GATAD2A: variants seen among roughly 807,000 people sequenced by gnomAD.
GATAD2A encodes GATA zinc finger domain containing 2A, also known as transcriptional repressor p66-alpha.
In GATAD2A, 12 loss-of-function variants were observed where a neutral mutation model predicts 68.5. The observed-to-expected ratio is 0.18, with a 90% CI of 0.11 to 0.28. The LOEUF is 0.28. Among genes scored for constraint, GATAD2A ranks in the 10% least tolerant of loss-of-function variants. The probability of loss-of-function intolerance (pLI) is 1.00; values close to 1 mark genes in which losing one functional copy is unlikely to be tolerated. For missense variants in GATAD2A, 755 were observed against 868.5 expected, an observed-to-expected ratio of 0.87 and a Z score of 1.64; for synonymous variants, 410 against 375.3, an observed-to-expected ratio of 1.09 and a Z score of -1.07.
At chr19:19,423,264 C>T (rs949446036) in intron 1 of GATAD2A, among the ~76,000 whole-genome samples, 1 of 152,198 alleles carries the variant, frequency 6.6e-6, no homozygotes, top group Non-Finnish European at 1.5e-5. Context: ...TGTCTGTCTC[C>T]CAAAGTGCTG....
chr19:19,459,697 C>T (rs2057254522), intron 1 of GATAD2A, among the ~76,000 whole-genome samples: 1 of 152,168 alleles, frequency 6.6e-6, no homozygotes, highest in Non-Finnish European at 1.5e-5. Flanking sequence ...CTCTCTTGGC[C>T]CACTGAAGCT....
At chr19:19,496,429 T>A (rs1232173074) in intron 7 of GATAD2A, among the ~76,000 whole-genome samples, 1 of 152,156 alleles carries the variant, frequency 6.6e-6, no homozygotes, top group Non-Finnish European at 1.5e-5. Flanking sequence ...TGGGCAGACT[T>A]GCTATCCAGC....
intron 1 of GATAD2A, among the ~76,000 whole-genome samples, chr19:19,390,791 TG>T: frequency 6.6e-6 from 1 of 152,140 alleles, no homozygotes; most frequent in African/African-American, 2.4e-5. Flanking sequence ...ACCTGGTGAG[TG>T]ATCTGTTCTT....
chr19:19,435,949 A>G (rs906639423), intron 1 of GATAD2A, among the ~76,000 whole-genome samples: 4 of 152,242 alleles, frequency 2.6e-5, no homozygotes, highest in African/African-American at 9.6e-5. Flanking sequence ...TTCATACCTC[A>G]GAGATCAGTA....
intron 2 of GATAD2A, among the ~76,000 whole-genome samples, chr19:19,475,272 C>G (rs533094561): frequency 2.0e-5 from 3 of 152,206 alleles, no homozygotes; most frequent in Non-Finnish European, 4.4e-5. Flanking sequence ...TTCTCATAGC[C>G]CAGGGACATG....
chr19:19,429,184 G>A (rs2053446211), intron 1 of GATAD2A: 1 of 985,324 alleles, frequency 1.0e-6, no homozygotes. Flanking sequence ...CCTTTGGGAA[G>A]TGGGATGCTC....
chr19:19,394,337 C>T (rs1383433422), intron 1 of GATAD2A, among the ~76,000 whole-genome samples: 1 of 152,106 alleles, frequency 6.6e-6, no homozygotes, highest in Admixed American at 6.6e-5. Context: ...CTGGGGCTGC[C>T]TGGGTGTTGG....
chr19:19,497,245 G>A (rs1372043562), intron 7 of GATAD2A, among the ~76,000 whole-genome samples: 4 of 152,202 alleles, frequency 2.6e-5, no homozygotes, highest in East Asian at 1.9e-4. Flanking sequence ...ACAGGCGCCT[G>A]CCACCATGCC....
rs543905859 is a variant in GATAD2A at position 19,389,908 on chromosome 19, G to A, written c.-7+3770G>A. Among the ~76,000 whole-genome samples the A allele has an allele frequency of 1.1e-4, 16 of 152,172 alleles. No individual in the cohort carries two copies. The East Asian group carries it at 1.7e-3, about 17-fold the overall frequency. ...CTCTGAAGTAGCTGGGACCACAGGC[G>A]CATGCCACCACGCCCGGCTATATTT... is the stretch of plus-strand genomic sequence containing the variant. On this transcript the variant is annotated intron_variant, in intron 1 of 11. Coordinates refer to the GATAD2A transcript ENST00000360315.
rs2060506133 is a variant in GATAD2A, at chr19:19,501,316, A to T, written c.1403A>T (p.Gln468Leu). The change falls in exon 9 of 12, where the codon CAG becomes CTG. Residue 468 changes from glutamine (Q) to leucine (L), a missense_variant. Gln to Leu is a moderately radical substitution (Grantham distance 113). Coordinates refer to ENST00000683918, the MANE Select transcript of GATAD2A (RefSeq NM_001384528.1). ...AAGGCCGCCTTTGTGAAGGCGCTGCAGCAGGAACAGGAGATTGAGCAGCGG... is the reference window on the plus strand; with the variant it reads ...AAGGCCGCCTTTGTGAAGGCGCTGCTGCAGGAACAGGAGATTGAGCAGCGG... ...RLKAAFVKAL[Q>L]QEQEIEQRLL... The T allele has an allele frequency of 6.2e-7, 1 of 1,612,978 alleles. No individual in the cohort carries two copies. The highest frequency in any genetic ancestry group is 8.5e-7 in the Non-Finnish European group (1 of 1,179,954).
At chr19:19,428,688 C>T (rs2053369932) in intron 1 of GATAD2A, among the ~76,000 whole-genome samples, 1 of 152,106 alleles carries the variant, frequency 6.6e-6, no homozygotes, top group African/African-American at 2.4e-5. Context: ...GGGCTCTGGA[C>T]CCGCATGAGA....
At chr19:19,476,739 A>T (rs1035014285) in intron 2 of GATAD2A, among the ~76,000 whole-genome samples, 4 of 152,178 alleles carry the variant, frequency 2.6e-5, no homozygotes, top group African/African-American at 9.7e-5. Flanking sequence ...GACGGAGTGG[A>T]TACCTGGGAA....
rs765252490 is a variant in GATAD2A, at chr19:19,501,999, C to T, written c.1534C>T (p.Arg512Cys). Residue 512 changes from arginine to cysteine, a missense_variant, in exon 10 of 12, where the codon CGC (arginine) becomes TGC (cysteine). Physicochemically the swap from Arg to Cys is radical, Grantham distance 180. Coordinates refer to ENST00000683918, the MANE Select transcript of GATAD2A (RefSeq NM_001384528.1). ...AAAACCCCGGCGTAAGTTGGCGTTC[C>T]GCTCAGGAGAGGCCCGCGACTGGAG... Reference protein sequence around the residue: ...VIKPRRKLAFRSGEARDWSNG... With the variant: ...VIKPRRKLAFCSGEARDWSNG... 5.0e-6 allele frequency: 8 copies of T among 1,613,994 alleles called. No homozygotes were observed. The highest frequency in any genetic ancestry group is 2.7e-5 in the African/African-American group (2 of 75,058).
At chr19:19,461,669 G>C (rs147501762) in intron 1 of GATAD2A, among the ~76,000 whole-genome samples, 1 of 152,256 alleles carries the variant, frequency 6.6e-6, no homozygotes. Context: ...GAAGAGCTGG[G>C]CTACGCCCCC....
At chr19:19,421,626 T>TC (rs2052429308) in intron 1 of GATAD2A, among the ~76,000 whole-genome samples, 1 of 152,064 alleles carries the variant, frequency 6.6e-6, no homozygotes, top group African/African-American at 2.4e-5. Flanking sequence ...TGAAGCCTGA[T>TC]GTGTGCAGCC....
chr19:19,487,997 C>T (rs757237032), intron 2 of GATAD2A, among the ~76,000 whole-genome samples: 4 of 152,190 alleles, frequency 2.6e-5, no homozygotes, highest in Non-Finnish European at 4.4e-5. Flanking sequence ...CCAAGCCAGC[C>T]TGGAGGAGGA....
At chr19:19,473,756 T>G (rs1600225476) in intron 2 of GATAD2A, among the ~76,000 whole-genome samples, 2 of 139,306 alleles carry the variant, frequency 1.4e-5, no homozygotes, top group African/African-American at 2.7e-5. Context: ...GCTAACATGG[T>G]GAAACCCCGT....
chr19:19,405,995 T>TAGGGCCCGGCCGACCC lies in GATAD2A; in HGVS notation c.-30_-15dup, dbSNP rs1425257489. 1.3e-5 allele frequency: 2 copies of TAGGGCCCGGCCGACCC among 150,540 alleles called. No individual in the cohort carries two copies. Among genetic ancestry groups the TAGGGCCCGGCCGACCC allele is most frequent in the African/African-American group, 4.9e-5 (2 of 41,076 alleles). The allele number at this position is 150,540 out of a possible 1,614,324, so 9.3% of individuals were successfully genotyped here. A position where few individuals can be genotyped will look rare whatever the true frequency, so the allele number is the denominator to read the frequency against. On this transcript the variant is annotated 5_prime_UTR_variant, in exon 1 of 12. Coordinates refer to ENST00000683918, the MANE Select transcript of GATAD2A (RefSeq NM_001384528.1). The stretch of plus-strand genomic sequence containing the variant: ...AGCCCCCGTAACCTGCGCGCTGCCC[T>TAGGGCCCGGCCGACCC]AGGGCCCGGCCGACCCGCGGCCCGG...
intron 1 of GATAD2A, among the ~76,000 whole-genome samples, chr19:19,425,213 A>G (rs922840287): frequency 6.6e-6 from 1 of 152,126 alleles, no homozygotes; most frequent in African/African-American, 2.4e-5. Flanking sequence ...TGGGGAGGCT[A>G]TTTGGGTGGC....
Sources: allele counts gnomAD v4.1 joint callset (sites outside exome capture counted in the v4.1 genomes callset), GRCh38; gene constraint gnomAD v4.1.1; transcripts MANE v1.5; gene names NCBI Gene and HGNC (gene_info 2026-07-23, HGNC 2026-07-21).